LMTK3: variants seen among roughly 807,000 people sequenced by gnomAD.
LMTK3 encodes serine/threonine-protein kinase LMTK3.
A neutral mutation model predicts 116.7 loss-of-function variants in LMTK3; 27 were observed. The observed-to-expected ratio is 0.23, with a 90% CI of 0.17 to 0.32. The LOEUF (loss-of-function observed/expected upper bound fraction) is 0.32, where lower values mean the gene tolerates loss of function less well. Ranked by LOEUF, LMTK3 falls within the 10% of genes least tolerant of loss-of-function variation. The pLI is 1.00. For missense variants in LMTK3, 1,764 were observed against 2,068.5 expected (o/e 0.85, Z 2.86); for synonymous variants, 965 against 971.0 (o/e 0.99, Z 0.11).
At chr19:48,508,441 G>A (rs2147559778) in intron 5 of LMTK3, among the ~76,000 whole-genome samples, 1 of 152,250 alleles carries the variant, frequency 6.6e-6, no homozygotes, top group Non-Finnish European at 1.5e-5. Flanking sequence ...GAGCTCCACA[G>A]TGGCCTGCTC....
intron 11 of LMTK3, among the ~76,000 whole-genome samples, chr19:48,496,011 C>A (rs1341760781): frequency 1.3e-5 from 2 of 152,250 alleles, no homozygotes; most frequent in Non-Finnish European, 2.9e-5. Context: ...GGGTCCCAGC[C>A]TTGGGCAGCT....
chr19:48,485,614 C>T lies in LMTK3; in HGVS notation c.*159G>A. The T allele has an allele frequency of 1.3e-6, 1 of 760,788 alleles. No homozygotes were observed. Among genetic ancestry groups the T allele is most frequent in the Non-Finnish European group, 2.1e-6 (1 of 473,922 alleles). 47.1% of individuals were successfully genotyped at this position (760,788 alleles called of 1,614,324 possible). A position where few individuals can be genotyped will look rare whatever the true frequency, so the allele number is the denominator to read the frequency against. ...CTGGGGGGCGGGGGCCCGGGGCCTC[C>T]CGTTTGGCACATGGTAGGGGAGTGG... On this transcript the variant is annotated 3_prime_UTR_variant, in exon 15 of 15. Coordinates refer to ENST00000600059, the MANE Select transcript of LMTK3 (RefSeq NM_001388485.1).
rs771655098 is a variant in LMTK3 at position 48,498,564 on chromosome 19, T to C, written c.2505A>G (p.Pro835=). 6.4e-7 allele frequency: 1 copy of C among 1,555,452 alleles called. No homozygotes were observed. Among genetic ancestry groups the C allele is most frequent in the Non-Finnish European group, 8.7e-7 (1 of 1,150,380 alleles). ...PEPPDPGAPR[P]PPDPGPLPLP... ...GTGGGAGCGGACCCGGGTCTGGAGG[T>C]GGCCGGGGCGCTCCTGGGTCGGGTG... The change falls in exon 11 of 15, where the codon CCA becomes CCG. Residue 835 remains proline (P), a synonymous_variant. Transcript: ENST00000600059.
chr19:48,502,452 A>T lies in LMTK3; in HGVS notation c.775T>A (p.Ser259Thr). The change falls in exon 7 of 15, where the codon TCC (serine) becomes ACC (threonine). Residue 259 changes from serine (S) to threonine (T), a missense_variant. Ser to Thr is a moderately conservative substitution (Grantham distance 58). Around this residue, in one of 7 missense-constraint regions of LMTK3, gnomAD observed 271 missense variants for 478.2 expected, o/e 0.57. Transcript: ENST00000600059. ...GCCCACCTGTGCACGTAGTTGTGGGAATGCAGGTGCGCCAGCCCGCGGGCG... is the reference window on the plus strand; with the variant it reads ...GCCCACCTGTGCACGTAGTTGTGGGTATGCAGGTGCGCCAGCCCGCGGGCG... ...EIARGLAHLH[S>T]HNYVHSDLAL... 6.2e-7 allele frequency: 1 copy of T among 1,610,382 alleles called. No individual in the cohort carries two copies. Among genetic ancestry groups the T allele is most frequent in the South Asian group, 1.1e-5 (1 of 90,942 alleles).
At chr19:48,490,494 C>A (rs1335063585) in intron 14 of LMTK3, among the ~76,000 whole-genome samples, 1 of 141,424 alleles carries the variant, frequency 7.1e-6, no homozygotes, top group Non-Finnish European at 1.5e-5. Flanking sequence ...CCACTCCCTC[C>A]AGCCTGGGCG....
At chr19:48,501,639 T>C (rs373822283) in intron 7 of LMTK3, 77 bp from the exon 8 acceptor site, 177 of 1,391,312 alleles carry the variant, frequency 1.3e-4, no homozygotes, top group Middle Eastern at 4.9e-4. Flanking sequence ...TCACACTGAC[T>C]CCACCCCTCC....
chr19:48,506,187 T>C (rs922617064), intron 5 of LMTK3, among the ~76,000 whole-genome samples: 3 of 148,104 alleles, frequency 2.0e-5, no homozygotes, highest in Admixed American at 1.4e-4. Flanking sequence ...TAGCCAGGCA[T>C]GGTGGCTATG....
At chr19:48,489,797 T>C (rs1320965406) in intron 14 of LMTK3, among the ~76,000 whole-genome samples, 1 of 152,210 alleles carries the variant, frequency 6.6e-6, no homozygotes, top group Admixed American at 6.5e-5. Flanking sequence ...GGACAATATC[T>C]GGACTCAGGC....
At chr19:48,487,583 C>G (rs1972147339) in intron 14 of LMTK3, among the ~76,000 whole-genome samples, 1 of 152,164 alleles carries the variant, frequency 6.6e-6, no homozygotes, top group South Asian at 2.1e-4. Flanking sequence ...CCGTCTGGCA[C>G]AAAGCACACC....
rs1360291146 is a variant in LMTK3, at chr19:48,510,454, C to T, written c.210+5G>A. ...CCCCAAGTTGAATCCCCTCATGCACCTCACCTTGAAGCCGACATCGCCCCG... is the reference window on the plus strand; with the variant it reads ...CCCCAAGTTGAATCCCCTCATGCACTTCACCTTGAAGCCGACATCGCCCCG... On this transcript the variant is annotated splice_donor_5th_base_variant and intron_variant, in intron 2 of 14. Transcript: ENST00000600059. 2.5e-6 allele frequency: 4 copies of T among 1,593,660 alleles called. No individual in the cohort carries two copies. Among genetic ancestry groups the T allele is most frequent in the Non-Finnish European group, 2.6e-6 (3 of 1,170,090 alleles).
rs1360106382 is a variant in LMTK3, at chr19:48,485,701, C to T, written c.*72G>A. 19 of 1,532,478 alleles carry T rather than the reference C, an allele frequency of 1.2e-5. No homozygotes were observed. The East Asian group carries it at 1.6e-4, about 13-fold the overall frequency. 94.9% of individuals were successfully genotyped at this position (1,532,478 alleles called of 1,614,324 possible). ...GCGGCGTCTGCGGTGGTGGCAGTGG[C>T]GCCGTCATCCACAGAGGATTCCATT... On this transcript the variant is annotated 3_prime_UTR_variant, in exon 15 of 15. Coordinates refer to ENST00000600059, the MANE Select transcript of LMTK3 (RefSeq NM_001388485.1).
At position 48,502,354 on chromosome 19, in the gene LMTK3, C is replaced by G. The variant is rs555450003; in HGVS notation, c.794+79G>C. ...TCAGCCAGTCATGGGTCCGCCCCCCCTCTAGCCCCTCCCCTGAGGCCTCAC... is the reference window on the plus strand; with the variant it reads ...TCAGCCAGTCATGGGTCCGCCCCCCGTCTAGCCCCTCCCCTGAGGCCTCAC... On this transcript the variant is annotated intron_variant, in intron 7 of 14. Coordinates refer to ENST00000600059, the MANE Select transcript of LMTK3 (RefSeq NM_001388485.1). The G allele has an allele frequency of 6.0e-6, 9 of 1,506,402 alleles. No homozygotes were observed. In the South Asian group the frequency reaches 1.0e-4, roughly 17 times the overall value. The allele number at this position is 1,506,402 out of a possible 1,614,324, so 93.3% of individuals were successfully genotyped here.
rs1299112372 is a variant in LMTK3, at chr19:48,499,075, C to A, written c.1994G>T (p.Gly665Val). 6.5e-7 allele frequency: 1 copy of A among 1,544,696 alleles called. No homozygotes were observed. Among genetic ancestry groups the A allele is most frequent in the African/African-American group, 1.4e-5 (1 of 72,998 alleles). The change falls in exon 11 of 15, where the codon GGT becomes GTT. Residue 665 changes from glycine to valine, a missense_variant. Gly to Val is a moderately radical substitution (Grantham distance 109). Around this residue, in one of 7 missense-constraint regions of LMTK3, gnomAD observed 1,028 missense variants for 1,050.6 expected, o/e 0.98. Coordinates refer to ENST00000600059, the MANE Select transcript of LMTK3 (RefSeq NM_001388485.1). ...GCTGCACAGGGGACAGGGTAGGGGA[C>A]CCCGGCGGCTTGGGCCACCTCCAAG... ...SSLGGGPSRR[G>V]PLPCPLCSRE...
chr19:48,497,966 C>G lies in LMTK3; in HGVS notation c.3103G>C (p.Glu1035Gln). 6.3e-7 allele frequency: 1 copy of G among 1,594,270 alleles called. No homozygotes were observed. The highest frequency in any genetic ancestry group is 8.5e-7 in the Non-Finnish European group (1 of 1,172,420). Residue 1035 changes from glutamate (E) to glutamine (Q), a missense_variant, in exon 11 of 15, where the codon GAG becomes CAG. Glu to Gln is a conservative substitution (Grantham distance 29, BLOSUM62 2). Around this residue, in one of 7 missense-constraint regions of LMTK3, gnomAD observed 1,028 missense variants for 1,050.6 expected, o/e 0.98. Transcript: ENST00000600059. This position sits in a 1 kb window ranked among gnomAD's most constrained non-coding sequence, Gnocchi z 5.7. The stretch of plus-strand genomic sequence containing the variant: ...ATCGTGGGGGCTGGACCCCAACTCT[C>G]GGGCGTCTTCTCCCAGGGCCCTGGG... ...RAPGPWEKTP[E>Q]SWGPAPTIGE...
chr19:48,511,606 G>T lies in LMTK3; in HGVS notation c.-30C>A. The T allele has an allele frequency of 2.8e-6, 3 of 1,085,364 alleles. No individual in the cohort carries two copies. The highest frequency in any genetic ancestry group is 2.0e-5 in the South Asian group (1 of 49,310). The allele number at this position is 1,085,364 out of a possible 1,614,324, so 67.2% of individuals were successfully genotyped here. Reference sequence around the variant, plus strand: ...TCGAGGATGGCAGGGAGGTGGAGGTGGTGGCGGCTGGGGAGGAGGGGGGGG... The same window carrying T: ...TCGAGGATGGCAGGGAGGTGGAGGTTGTGGCGGCTGGGGAGGAGGGGGGGG... On this transcript the variant is annotated 5_prime_UTR_variant, in exon 1 of 15. Coordinates refer to ENST00000600059, the MANE Select transcript of LMTK3 (RefSeq NM_001388485.1).
chr19:48,507,811 T>G (rs529527831), intron 5 of LMTK3, among the ~76,000 whole-genome samples: 3 of 152,278 alleles, frequency 2.0e-5, no homozygotes, highest in African/African-American at 7.2e-5. Flanking sequence ...GGCCAGTGTT[T>G]GCTGGCACAG....
upstream of LMTK3, chr19:48,513,312 T>G (rs937072790): frequency 2.2e-5 from 16 of 736,906 alleles, no homozygotes; most frequent in Non-Finnish European, 3.1e-5. This position sits in a 1 kb window ranked among gnomAD's most constrained non-coding sequence, Gnocchi z 5.6. Flanking sequence ...ACAACCGCCC[T>G]CTGAGACAGG....
Position 48,511,578 on chromosome 19 carries a change from T to C in LMTK3, c.-2A>G. The C allele has an allele frequency of 2.1e-6, 3 of 1,398,548 alleles. No individual in the cohort carries two copies. Among genetic ancestry groups the C allele is most frequent in the Non-Finnish European group, 2.8e-6 (3 of 1,059,206 alleles). The allele number at this position is 1,398,548 out of a possible 1,614,324, so 86.6% of individuals were successfully genotyped here. On this transcript the variant is annotated 5_prime_UTR_variant, in exon 1 of 15. Coordinates refer to ENST00000600059, the MANE Select transcript of LMTK3 (RefSeq NM_001388485.1). ...GATGAGGGCGCCGGGGGCAGGCATC[T>C]TGTCGAGGATGGCAGGGAGGTGGAG...
chr19:48,499,188 C>A lies in LMTK3; in HGVS notation c.1881G>T (p.Glu627Asp). 1 of 1,466,676 alleles carries A rather than the reference C, an allele frequency of 6.8e-7. No homozygotes were observed. Among genetic ancestry groups the A allele is most frequent in the South Asian group, 1.4e-5 (1 of 73,658 alleles). The allele number at this position is 1,466,676 out of a possible 1,614,324, so 90.9% of individuals were successfully genotyped here. A position where few individuals can be genotyped will look rare whatever the true frequency, so the allele number is the denominator to read the frequency against. Reference protein sequence around the residue: ...AGETLAGDPAEVLGERGTAPW... With the variant: ...AGETLAGDPADVLGERGTAPW... ...GGGCGGTCCCCCGCTCCCCCAAGACCTCGGCAGGGTCTCCCGCCAGGGTCT... is the reference window on the plus strand; with the variant it reads ...GGGCGGTCCCCCGCTCCCCCAAGACATCGGCAGGGTCTCCCGCCAGGGTCT... The change falls in exon 11 of 15, where the codon GAG becomes GAT. Residue 627 changes from glutamate (E) to aspartate (D), a missense_variant. By Grantham distance (45) the Glu-to-Asp change is conservative (BLOSUM62 2). This residue lies in a region of LMTK3 where 1,028 missense variants were observed against 1,050.6 expected (regional missense o/e 0.98). Transcript: ENST00000600059.
Sources: allele counts gnomAD v4.1 joint callset (sites outside exome capture counted in the v4.1 genomes callset), GRCh38; gene constraint gnomAD v4.1.1; regional missense constraint gnomAD v4.1.1; non-coding constraint Gnocchi (gnomAD v3.1); transcripts MANE v1.5; gene names NCBI Gene and HGNC (gene_info 2026-07-23, HGNC 2026-07-21).